Variants in SYNE2 observed in about 807,000 individuals in gnomAD.
SYNE2 encodes spectrin repeat containing nuclear envelope protein 2.
A neutral mutation model predicts 856.3 loss-of-function variants in SYNE2; 431 were observed. The observed-to-expected ratio is 0.50, with a 90% CI of 0.47 to 0.55. SYNE2 has a LOEUF of 0.55. Ranked by LOEUF, SYNE2 falls within the 20% of genes least tolerant of loss-of-function variation. The pLI is 0.00. For missense variants in SYNE2, 8,129 were observed against 8,023.2 expected (o/e 1.01, Z -0.50); for synonymous variants, 2,923 against 2,872.3 (o/e 1.02, Z -0.56).
chr14:63,814,678 C>CTA (rs1888784376), intron 1 of SYNE2, among the ~76,000 whole-genome samples: 5 of 66,532 alleles, frequency 7.5e-5, no homozygotes, highest in Non-Finnish European at 1.3e-4. Flanking sequence ...CCATATATAT[C>CTA]CATATATATC....
chr14:63,793,676 C>T (rs189922329), intron 1 of SYNE2, among the ~76,000 whole-genome samples: 2 of 152,170 alleles, frequency 1.3e-5, no homozygotes, highest in African/African-American at 4.8e-5. Context: ...TTGGCTCATG[C>T]CTATAATCCC....
At chr14:64,168,486 C>G (rs1595952364) in intron 92 of SYNE2, among the ~76,000 whole-genome samples, 2 of 152,168 alleles carry the variant, frequency 1.3e-5, no homozygotes, top group East Asian at 3.8e-4. Context: ...AATGAAATCA[C>G]CCCTGCCAAA....
intron 78 of SYNE2, among the ~76,000 whole-genome samples, chr14:64,136,469 C>A (rs140641592): frequency 6.6e-6 from 1 of 151,426 alleles, no homozygotes; most frequent in Non-Finnish European, 1.5e-5. Context: ...GGGCTATGGA[C>A]GTGGAATTTT....
In SYNE2 at chr14:64,139,970, A is replaced by G; in HGVS notation, c.14873A>G (p.Lys4958Arg). The change falls in exon 80 of 116, where the codon AAG (lysine) becomes AGG (arginine). Residue 4958 changes from lysine (K) to arginine (R), a missense_variant. By Grantham distance (26) the Lys-to-Arg change is conservative. Coordinates refer to ENST00000555002, the MANE Select transcript of SYNE2 (RefSeq NM_182914.3). ...SYNRDSDQLTKWLESSQHTLN... is the reference protein window; with the variant it reads ...SYNRDSDQLTRWLESSQHTLN... The stretch of plus-strand genomic sequence containing the variant: ...AACAGAGATTCGGATCAGTTAACCA[A>G]GTGGTTGGAATCTTCCCAGCATACT... 1 of 1,614,040 alleles carries G rather than the reference A, an allele frequency of 6.2e-7. No homozygotes were observed. Among genetic ancestry groups the G allele is most frequent in the Non-Finnish European group, 8.5e-7 (1 of 1,179,978 alleles).
chr14:64,189,636 C>T (rs561323685), intron 98 of SYNE2, among the ~76,000 whole-genome samples: 20 of 152,262 alleles, frequency 1.3e-4, no homozygotes, highest in Non-Finnish European at 2.2e-4. Context: ...TTGCCTGATG[C>T]GCGTTGCCTG....
chr14:64,206,942 G>A (rs749495646), intron 100 of SYNE2, among the ~76,000 whole-genome samples: 6 of 152,046 alleles, frequency 3.9e-5, no homozygotes, highest in South Asian at 2.1e-4. Flanking sequence ...TCTGTGAACC[G>A]GTAAGAGTTC....
Position 64,186,430 on chromosome 14 carries a change from G to C in SYNE2, c.17563G>C (p.Glu5855Gln), listed in dbSNP as rs766742164. 2.5e-6 allele frequency: 4 copies of C among 1,614,190 alleles called. No homozygotes were observed. The highest frequency in any genetic ancestry group is 3.4e-6 in the Non-Finnish European group (4 of 1,180,020). Reference protein sequence around the residue: ...HNEKELIKELEQSLASWTQNL... With the variant: ...HNEKELIKELQQSLASWTQNL... Reference sequence around the variant, plus strand: ...TTCTTGTGATTAAATGCAGGAACTAGAACAGTCTTTGGCTAGCTGGACTCA... The same window carrying C: ...TTCTTGTGATTAAATGCAGGAACTACAACAGTCTTTGGCTAGCTGGACTCA... Residue 5855 changes from glutamate to glutamine, a missense_variant, in exon 97 of 116, where the codon GAA (glutamate) becomes CAA (glutamine). Transcript: ENST00000555002.
At chr14:63,973,559 G>A (rs1439334731) in intron 11 of SYNE2, among the ~76,000 whole-genome samples, 1 of 150,428 alleles carries the variant, frequency 6.6e-6, no homozygotes, top group African/African-American at 2.4e-5. Flanking sequence ...TTGAACCTGG[G>A]AGGTGGAGGT....
At chr14:64,146,860 C>T (rs973969098) in intron 84 of SYNE2, among the ~76,000 whole-genome samples, 8 of 152,244 alleles carry the variant, frequency 5.3e-5, no homozygotes, top group African/African-American at 9.6e-5. Flanking sequence ...GCACTTCCTG[C>T]GTGACGGCCT....
intron 1 of SYNE2, among the ~76,000 whole-genome samples, chr14:63,812,334 C>A (rs1443715443): frequency 2.0e-5 from 3 of 152,130 alleles, no homozygotes; most frequent in Admixed American, 6.6e-5. Flanking sequence ...TCTGCCCAAC[C>A]CTGCAGGCAG....
chr14:64,040,628 A>T (rs2097141598), intron 45 of SYNE2, among the ~76,000 whole-genome samples: 1 of 147,696 alleles, frequency 6.8e-6, no homozygotes, highest in African/African-American at 2.5e-5. Context: ...ATATACATAT[A>T]TATGTATATA....
chr14:64,186,885 G>T (rs2098494182), intron 97 of SYNE2, among the ~76,000 whole-genome samples: 1 of 152,162 alleles, frequency 6.6e-6, no homozygotes, highest in Admixed American at 6.5e-5. Context: ...TTGTGTAGGT[G>T]GCAAGTCCTA....
chr14:64,086,869 C>G (rs956008301), intron 57 of SYNE2, among the ~76,000 whole-genome samples: 1 of 151,620 alleles, frequency 6.6e-6, no homozygotes, highest in Non-Finnish European at 1.5e-5. Flanking sequence ...GCCACCACAC[C>G]TGGCTAATTT....
chr14:63,942,177 C>A, intron 6 of SYNE2, 34 bp downstream of exon 6: 1 of 1,262,134 alleles, frequency 7.9e-7, no homozygotes, highest in Non-Finnish European at 1.2e-6. Context: ...ATTATTTCTA[C>A]CCTACCACAG....
Position 64,119,411 on chromosome 14 carries a change from T to A in SYNE2, c.12841-16T>A. 6.2e-7 allele frequency: 1 copy of A among 1,614,008 alleles called. No homozygotes were observed. The highest frequency in any genetic ancestry group is 1.1e-5 in the South Asian group (1 of 91,076). On this transcript the variant is annotated splice_polypyrimidine_tract_variant and intron_variant, in intron 66 of 115. Coordinates refer to ENST00000555002, the MANE Select transcript of SYNE2 (RefSeq NM_182914.3). ...AAGAACAACATTATGAATAATTAAA[T>A]GCTTTTATTTCCTAGGCTATGCTAA...
chr14:64,199,162 C>T (rs774203043), intron 99 of SYNE2, among the ~76,000 whole-genome samples: 1 of 152,320 alleles, frequency 6.6e-6, no homozygotes, highest in East Asian at 1.9e-4. Context: ...CAGCTCCTAC[C>T]CCTCAGTGTA....
chr14:64,045,695 TA>T (rs368619035), intron 45 of SYNE2, among the ~76,000 whole-genome samples: 4 of 152,354 alleles, frequency 2.6e-5, no homozygotes, highest in African/African-American at 9.6e-5. Flanking sequence ...ATTATTTCAG[TA>T]ATTTGCAGCC....
rs753555308 is a variant in SYNE2 at position 63,983,746 on chromosome 14, C to T, written c.2011C>T (p.Leu671=). ...LVSKTQLEMN[L]PLMIKKQDQP... is the part of the protein sequence containing the mutation. Reference sequence around the variant, plus strand: ...AAATTATTTTGTATAGGAAATGAACCTGCCACTGATGATAAAAAAACAGGA... The same window carrying T: ...AAATTATTTTGTATAGGAAATGAACTTGCCACTGATGATAAAAAAACAGGA... Residue 671 remains leucine (L), a synonymous_variant, in exon 18 of 116, where the codon CTG becomes TTG. Coordinates refer to ENST00000555002, the MANE Select transcript of SYNE2 (RefSeq NM_182914.3). 6.2e-7 allele frequency: 1 copy of T among 1,612,016 alleles called. No individual in the cohort carries two copies. The highest frequency in any genetic ancestry group is 8.5e-7 in the Non-Finnish European group (1 of 1,178,694).
At chr14:63,802,648 C>G (rs1239556176) in intron 1 of SYNE2, among the ~76,000 whole-genome samples, 1 of 152,214 alleles carries the variant, frequency 6.6e-6, no homozygotes, top group Non-Finnish European at 1.5e-5. Flanking sequence ...TCACTGACTT[C>G]AAGAATGAAG....
Sources: gnomAD v4.1 joint callset for allele counts (sites outside exome capture counted in the v4.1 genomes callset) on GRCh38, gnomAD v4.1.1 for gene constraint, MANE v1.5 for transcripts, NCBI Gene and HGNC (gene_info 2026-07-23, HGNC 2026-07-21) for gene names.